Variants in RANBP3 observed in about 807,000 individuals in gnomAD.
RANBP3 encodes the protein RAN binding protein 3.
In RANBP3, 14 loss-of-function variants were observed where a neutral mutation model predicts 77.3. That is an observed-to-expected ratio of 0.18 (90% CI 0.12 to 0.28). The LOEUF (loss-of-function observed/expected upper bound fraction) is 0.28, where lower values mean the gene tolerates loss of function less well. RANBP3 is among the 10% of genes least tolerant of loss of function. The probability of loss-of-function intolerance (pLI) is 1.00; values close to 1 mark genes in which losing one functional copy is unlikely to be tolerated. For missense variants in RANBP3, 586 were observed against 752.3 expected, an observed-to-expected ratio of 0.78 and a Z score of 2.59; for synonymous variants, 315 against 312.4, an observed-to-expected ratio of 1.01 and a Z score of -0.09.
At chr19:5,941,328 C>T (rs1356916399) in intron 5 of RANBP3, among the ~76,000 whole-genome samples, 1 of 151,924 alleles carries the variant, frequency 6.6e-6, no homozygotes, top group Non-Finnish European at 1.5e-5. Flanking sequence ...GAGGCCCCAA[C>T]AGGGCTCTCA....
chr19:5,925,825 A>G, intron 9 of RANBP3, 88 bp from the exon 10 acceptor site: 2 of 1,070,088 alleles, frequency 1.9e-6, no homozygotes, highest in Non-Finnish European at 1.4e-6. Flanking sequence ...CCTGAGCTGC[A>G]TGGAGCTGCT....
In RANBP3 at chr19:5,958,406, C is replaced by G. The variant is rs988778233; in HGVS notation, c.23-433G>C. ...GAGGGCAAAAAAAAGGGCCACCGCT[C>G]GCGCTGTTTGCAGACAGTTCTGGTA... is the stretch of plus-strand genomic sequence containing the variant. On this transcript the variant is annotated intron_variant, in intron 1 of 16. Transcript: ENST00000340578. This position sits in a 1 kb window ranked among gnomAD's most constrained non-coding sequence, Gnocchi z 4.4. Among the ~76,000 whole-genome samples the G allele has an allele frequency of 6.6e-6, 1 of 152,230 alleles. No homozygotes were observed.
intron 8 of RANBP3, among the ~76,000 whole-genome samples, chr19:5,929,277 G>T (rs1235078416): frequency 6.6e-6 from 1 of 152,242 alleles, no homozygotes; most frequent in Non-Finnish European, 1.5e-5. Flanking sequence ...AACACACAAC[G>T]TGTTTGGCGA....
intron 8 of RANBP3, among the ~76,000 whole-genome samples, chr19:5,930,307 C>A (rs1022125516): frequency 2.6e-5 from 4 of 152,226 alleles, no homozygotes; most frequent in Admixed American, 6.5e-5. Flanking sequence ...TTGTGGACAG[C>A]CATTTTCACC....
chr19:5,937,056 C>CA (rs71172783), intron 5 of RANBP3, among the ~76,000 whole-genome samples: 902 of 37,142 alleles, frequency 0.024, 121 homozygotes, highest in South Asian at 0.039. Context: ...ACTCTGTCTC[C>CA]AAAAAAAAAA....
chr19:5,917,608 C>T lies in RANBP3; in HGVS notation c.*2G>A, dbSNP rs756094534. The stretch of plus-strand genomic sequence containing the variant: ...CCTGGTGTGCAGCCGGGCTCCCGGC[C>T]GCTATGTGCTCCCGGTCGTCTGCCC... On this transcript the variant is annotated 3_prime_UTR_variant, in exon 17 of 17. Coordinates refer to ENST00000340578, the MANE Select transcript of RANBP3 (RefSeq NM_007322.3). 202 of 1,599,326 alleles carry T rather than the reference C, an allele frequency of 1.3e-4. No homozygotes were observed. The highest frequency in any genetic ancestry group is 1.9e-4 in the South Asian group (17 of 89,260).
At chr19:5,936,912 T>TC (rs989270481) in intron 5 of RANBP3, among the ~76,000 whole-genome samples, 1 of 151,382 alleles carries the variant, frequency 6.6e-6, no homozygotes, top group African/African-American at 2.4e-5. Flanking sequence ...GCTCAGAGTA[T>TC]CCCACGGGTG....
intron 1 of RANBP3, among the ~76,000 whole-genome samples, chr19:5,968,835 G>C (rs1168689583): frequency 6.6e-6 from 1 of 152,224 alleles, no homozygotes; most frequent in Non-Finnish European, 1.5e-5. Context: ...AGACAGGAAA[G>C]AAATGGCAGA....
rs183056503 is a variant in RANBP3, at chr19:5,936,529, C to T, written c.407-3050G>A. ...AGGGCTACACCTGAGTCAGTGAGATCGCAGTACCGCACGGAGTGATTTCAG... is the reference window on the plus strand; with the variant it reads ...AGGGCTACACCTGAGTCAGTGAGATTGCAGTACCGCACGGAGTGATTTCAG... On this transcript the variant is annotated intron_variant, in intron 5 of 16. Transcript: ENST00000340578. Among the ~76,000 whole-genome samples, 11 of 152,370 alleles carry T rather than the reference C, an allele frequency of 7.2e-5. No homozygotes were observed. In the East Asian group the frequency reaches 9.6e-4, roughly 13 times the overall value.
chr19:5,955,710 T>C (rs2058327341), intron 2 of RANBP3, among the ~76,000 whole-genome samples: 1 of 152,220 alleles, frequency 6.6e-6, no homozygotes, highest in Non-Finnish European at 1.5e-5. Context: ...CAAACTGTTT[T>C]CTGCAAAGGG....
At chr19:5,933,160 C>A in intron 6 of RANBP3, 1 of 451,566 alleles carries the variant, frequency 2.2e-6, no homozygotes, top group Non-Finnish European at 4.0e-6. Flanking sequence ...ATGGAGCCCG[C>A]CCGATGCACC....
rs896006019 is a variant in RANBP3, at chr19:5,963,246, G to A, written c.23-5273C>T. Reference sequence around the variant, plus strand: ...GTCTGGAGATTGACTTTACACATCCGTATATTAAGAGATTAGAAAACCAAT... The same window carrying A: ...GTCTGGAGATTGACTTTACACATCCATATATTAAGAGATTAGAAAACCAAT... On this transcript the variant is annotated intron_variant, in intron 1 of 16. Coordinates refer to ENST00000340578, the MANE Select transcript of RANBP3 (RefSeq NM_007322.3). Among the ~76,000 whole-genome samples the A allele has an allele frequency of 2.0e-5, 3 of 152,212 alleles. No individual in the cohort carries two copies. The South Asian group carries it at 6.2e-4, about 32-fold the overall frequency.
chr19:5,961,749 A>G (rs1207563269), intron 1 of RANBP3, among the ~76,000 whole-genome samples: 1 of 152,016 alleles, frequency 6.6e-6, no homozygotes. Context: ...AAAACAAAAC[A>G]AAACAAAACA....
intron 1 of RANBP3, among the ~76,000 whole-genome samples, chr19:5,965,037 C>A (rs2058450000): frequency 6.6e-6 from 1 of 152,044 alleles, no homozygotes; most frequent in Non-Finnish European, 1.5e-5. Flanking sequence ...AGGTGGGGAT[C>A]CTGGTGGAAG....
At chr19:5,918,454 G>GC in intron 15 of RANBP3, 42 bp downstream of exon 15, 1 of 1,554,108 alleles carries the variant, frequency 6.4e-7, no homozygotes, top group Non-Finnish European at 8.7e-7. Context: ...CACAGGGCTG[G>GC]CAGGATGAGG....
At chr19:5,920,374 A>C (rs534110720) in intron 14 of RANBP3, among the ~76,000 whole-genome samples, 1 of 152,292 alleles carries the variant, frequency 6.6e-6, no homozygotes, top group South Asian at 2.1e-4. Flanking sequence ...TGATGGAGTG[A>C]AATCAGCTTT....
Position 5,943,971 on chromosome 19 carries a change from C to T in RANBP3, c.283-2136G>A, listed in dbSNP as rs530103985. Among the ~76,000 whole-genome samples, 323 of 152,304 alleles carry T rather than the reference C, an allele frequency of 2.1e-3. 1 individual carries two copies. The highest frequency in any genetic ancestry group is 3.4e-3 in the Middle Eastern group (1 of 294). On this transcript the variant is annotated intron_variant, in intron 3 of 16. Transcript: ENST00000340578. The stretch of plus-strand genomic sequence containing the variant: ...CTGGTCCCTGCTGCCTCTTGAAGGC[C>T]GGAAGAACTCAGTGTATTCCGGCTC...
intron 1 of RANBP3, among the ~76,000 whole-genome samples, chr19:5,973,755 G>A (rs1003947151): frequency 6.6e-6 from 1 of 152,224 alleles, no homozygotes; most frequent in Non-Finnish European, 1.5e-5. Context: ...ACAGTGACCT[G>A]AGTGTTTATT....
chr19:5,931,749 C>A (rs751088977), intron 7 of RANBP3, among the ~76,000 whole-genome samples: 14 of 152,118 alleles, frequency 9.2e-5, no homozygotes, highest in Admixed American at 2.6e-4. Flanking sequence ...AAAAGAGAAA[C>A]CTGCCGGGCA....
Sources: gnomAD v4.1 joint callset for allele counts (sites outside exome capture counted in the v4.1 genomes callset) on GRCh38, gnomAD v4.1.1 for gene constraint, Gnocchi (gnomAD v3.1) non-coding constraint, MANE v1.5 for transcripts, NCBI Gene and HGNC (gene_info 2026-07-23, HGNC 2026-07-21) for gene names.